The following PSD3 variants were observed in gnomAD, a reference collection of about 807,000 sequenced individuals.
The protein encoded by PSD3 is PH and SEC7 domain-containing protein 3.
Under a neutral mutation model 105.5 loss-of-function variants are expected in PSD3, and 49 were observed. The ratio of observed to expected loss-of-function variants is 0.46; its 90% CI spans 0.37 to 0.59. PSD3 has a LOEUF of 0.59. PSD3 is among the 20% of genes least tolerant of loss of function. The pLI, the probability that PSD3 is intolerant of heterozygous loss-of-function variation, is 0.00. For synonymous variants in PSD3, 557 were observed against 457.8 expected, an observed-to-expected ratio of 1.22 and a Z score of -2.77; for missense variants, 1,561 against 1,263.8, an observed-to-expected ratio of 1.24 and a Z score of -3.57.
Position 18,949,265 on chromosome 8 carries a change from ATATATATATATATT to A in PSD3, c.22-13137_22-13124del, listed in dbSNP as rs1297801774. Among the ~76,000 whole-genome samples, 456 of 112,350 alleles carry A rather than the reference ATATATATATATATT, an allele frequency of 4.1e-3. 6 individuals are homozygous for A. The highest frequency in any genetic ancestry group is 7.5e-3 in the Non-Finnish European group (386 of 51,782). The allele number at this position is 112,350 out of a possible 152,430, so 73.7% of individuals were successfully genotyped here. A position where few individuals can be genotyped will look rare whatever the true frequency, so the allele number is the denominator to read the frequency against. On this transcript the variant is annotated intron_variant, in intron 1 of 15. Coordinates refer to ENST00000327040, the MANE Select transcript of PSD3 (RefSeq NM_015310.4). ...AAAAAATATATATATATATATATAT[ATATATATATATATT>A]TATAGTTTTCTTCTCTTCCAAGGAG...
chr8:19,037,095 G>A (rs1286412967), intron 1 of PSD3, among the ~76,000 whole-genome samples: 2 of 152,174 alleles, frequency 1.3e-5, no homozygotes, highest in Admixed American at 6.5e-5. Flanking sequence ...TTACTCTATT[G>A]CCAGGTAACG....
chr8:18,796,923 A>C (rs1295970539), intron 8 of PSD3, among the ~76,000 whole-genome samples: 5 of 152,194 alleles, frequency 3.3e-5, no homozygotes, highest in Non-Finnish European at 5.9e-5. Context: ...AGTAGAAATA[A>C]TTCATTTTAT....
intron 2 of PSD3, among the ~76,000 whole-genome samples, chr8:18,921,272 T>C (rs1218888310): frequency 6.6e-6 from 1 of 152,202 alleles, no homozygotes; most frequent in Non-Finnish European, 1.5e-5. Flanking sequence ...ATTAAATGAT[T>C]CCAAAATGCA....
chr8:18,874,270 T>G (rs1817588509), intron 2 of PSD3, among the ~76,000 whole-genome samples: 1 of 152,108 alleles, frequency 6.6e-6, no homozygotes, highest in South Asian at 2.1e-4. Flanking sequence ...CAAGTGATTC[T>G]TCTGCCCCAG....
At chr8:18,631,944 T>C (rs1806932369) in intron 11 of PSD3, among the ~76,000 whole-genome samples, 1 of 152,048 alleles carries the variant, frequency 6.6e-6, no homozygotes, top group Admixed American at 6.6e-5. Context: ...CAAATTGCTA[T>C]TTCACTCTGC....
chr8:19,000,307 G>C (rs180695555), intron 1 of PSD3, among the ~76,000 whole-genome samples: 1 of 151,288 alleles, frequency 6.6e-6, no homozygotes, highest in Non-Finnish European at 1.5e-5. Context: ...TGAGGTGGGA[G>C]GATAACTTGA....
At chr8:18,966,257 A>G (rs776229935) in intron 1 of PSD3, among the ~76,000 whole-genome samples, 2 of 152,140 alleles carry the variant, frequency 1.3e-5, no homozygotes, top group Non-Finnish European at 2.9e-5. Flanking sequence ...TTCCACACCT[A>G]TACTAGGCTG....
chr8:18,649,466 C>T (rs557934778), intron 10 of PSD3, among the ~76,000 whole-genome samples: 2 of 152,174 alleles, frequency 1.3e-5, no homozygotes, highest in African/African-American at 4.8e-5. Context: ...AATGCCTGTA[C>T]CCCCATTGTA....
intron 1 of PSD3, among the ~76,000 whole-genome samples, chr8:18,986,535 T>C (rs1825503245): frequency 6.6e-6 from 1 of 151,786 alleles, no homozygotes; most frequent in Non-Finnish European, 1.5e-5. Flanking sequence ...CCATAAGCTC[T>C]TTCTTGAGAT....
chr8:18,970,439 A>G (rs1347525382), intron 1 of PSD3, among the ~76,000 whole-genome samples: 4 of 151,794 alleles, frequency 2.6e-5, no homozygotes, highest in African/African-American at 9.7e-5. Context: ...TTGCAATTCG[A>G]TGAATTCCCT....
chr8:18,701,845 A>G (rs1445590703), intron 9 of PSD3, among the ~76,000 whole-genome samples: 1 of 152,252 alleles, frequency 6.6e-6, no homozygotes, highest in East Asian at 1.9e-4. Context: ...GTAGAGATTT[A>G]TGAACACTAT....
At chr8:18,724,198 G>C (rs543188089) in intron 9 of PSD3, among the ~76,000 whole-genome samples, 1 of 152,146 alleles carries the variant, frequency 6.6e-6, no homozygotes, top group Admixed American at 6.5e-5. Context: ...GACGAGTAGA[G>C]GGGTAATGCC....
At chr8:19,029,553 A>G (rs1443440862) in intron 1 of PSD3, among the ~76,000 whole-genome samples, 2 of 152,182 alleles carry the variant, frequency 1.3e-5, no homozygotes, top group Non-Finnish European at 2.9e-5. Flanking sequence ...AGAAGGGCAG[A>G]GCAAAAGTGG....
chr8:18,941,845 G>C (rs952456591), intron 1 of PSD3, among the ~76,000 whole-genome samples: 4 of 103,174 alleles, frequency 3.9e-5, no homozygotes, highest in Admixed American at 3.7e-4. Context: ...GCTAATTTTT[G>C]TATTTTTAGT....
At chr8:18,578,516 C>T (rs986866677) in intron 12 of PSD3, among the ~76,000 whole-genome samples, 1 of 152,032 alleles carries the variant, frequency 6.6e-6, no homozygotes, top group Non-Finnish European at 1.5e-5. Context: ...TTCTATGTAA[C>T]CGTTGGGATG....
intron 11 of PSD3, among the ~76,000 whole-genome samples, chr8:18,603,954 T>C (rs752547373): frequency 1.8e-4 from 28 of 152,318 alleles, no homozygotes; most frequent in Admixed American, 2.6e-4. Flanking sequence ...TTAAACCTCT[T>C]TTCTTATAAA....
chr8:18,791,615 C>T (rs1359909477), intron 8 of PSD3, among the ~76,000 whole-genome samples: 1 of 152,088 alleles, frequency 6.6e-6, no homozygotes, highest in African/African-American at 2.4e-5. Context: ...AAACCCAAAA[C>T]CAATAAAACC....
chr8:18,830,355 C>T (rs975327143), intron 4 of PSD3, among the ~76,000 whole-genome samples: 3 of 152,182 alleles, frequency 2.0e-5, no homozygotes, highest in African/African-American at 7.2e-5. Flanking sequence ...GAAATGTGCT[C>T]AAGTTATATT....
In PSD3 at chr8:18,803,565, C is replaced by T. The variant is rs776628720; in HGVS notation, c.1910+957G>A. On this transcript the variant is annotated intron_variant, in intron 6 of 15. Coordinates refer to ENST00000327040, the MANE Select transcript of PSD3 (RefSeq NM_015310.4). ...CAACCCAAGCGTGTCCTGAAGCTGA[C>T]GGTGGTATATATATTCCCCATAATG... Among the ~76,000 whole-genome samples, 72 of 152,112 alleles carry T rather than the reference C, an allele frequency of 4.7e-4. 1 individual carries two copies. The highest frequency in any genetic ancestry group is 3.4e-3 in the Middle Eastern group (1 of 294).
Sources: gnomAD v4.1 joint callset for allele counts (sites outside exome capture counted in the v4.1 genomes callset) on GRCh38, gnomAD v4.1.1 for gene constraint, MANE v1.5 for transcripts, NCBI Gene and HGNC (gene_info 2026-07-23, HGNC 2026-07-21) for gene names.